The following GRM1 variants were observed in gnomAD, a reference collection of about 807,000 sequenced individuals.
The protein encoded by GRM1 is metabotropic glutamate receptor 1.
A neutral mutation model predicts 90.9 loss-of-function variants in GRM1; 33 were observed. The ratio of observed to expected loss-of-function variants is 0.36; its 90% CI spans 0.28 to 0.49. The LOEUF (loss-of-function observed/expected upper bound fraction) is 0.49, where lower values mean the gene tolerates loss of function less well. Ranked by LOEUF, GRM1 falls within the 20% of genes least tolerant of loss-of-function variation. GRM1 has a pLI of 0.99. For missense variants in GRM1, 1,190 were observed against 1,534.3 expected (o/e 0.78, Z 3.75); for synonymous variants, 700 against 613.2 (o/e 1.14, Z -2.09).
intron 3 of GRM1, among the ~76,000 whole-genome samples, chr6:146,336,173 G>C (rs1280466372): frequency 6.6e-6 from 1 of 152,178 alleles, no homozygotes; most frequent in East Asian, 1.9e-4. Flanking sequence ...TGGGAGAGTT[G>C]GAAAGAGTGT....
At chr6:146,364,720 A>C (rs1431598810) in intron 5 of GRM1, among the ~76,000 whole-genome samples, 2 of 151,720 alleles carry the variant, frequency 1.3e-5, no homozygotes, top group Non-Finnish European at 2.9e-5. Flanking sequence ...CAGAATTATA[A>C]ATCTTTTACC....
intron 2 of GRM1, among the ~76,000 whole-genome samples, chr6:146,184,432 G>T (rs1389377844): frequency 1.3e-5 from 2 of 150,482 alleles, no homozygotes; most frequent in East Asian, 2.0e-4. Flanking sequence ...AGTTTTTTCT[G>T]TTTTTTTTTA....
At chr6:146,043,802 T>TAGATATAG (rs1554260537) in intron 1 of GRM1, among the ~76,000 whole-genome samples, 5 of 142,892 alleles carry the variant, frequency 3.5e-5, no homozygotes, top group African/African-American at 1.3e-4. Context: ...TATATATATA[T>TAGATATAG]ATATATATAA....
chr6:146,251,636 C>G (rs186626207), intron 2 of GRM1, among the ~76,000 whole-genome samples: 7 of 152,284 alleles, frequency 4.6e-5, no homozygotes, highest in Admixed American at 3.9e-4. Flanking sequence ...GACACCTTGT[C>G]CATCTAATCT....
rs1562568705 is a variant in GRM1, at chr6:146,267,686, GGCTC to G, written c.951-36923_951-36920del. On this transcript the variant is annotated intron_variant, in intron 2 of 7. Coordinates refer to ENST00000282753, the MANE Select transcript of GRM1 (RefSeq NM_001278064.2). Reference sequence around the variant, plus strand: ...GGCTGGGCTGGGCTGGGCTGGGCTCGGCTCGGCTCGGCTCGGCTCGTCTCGTCTC... The same window carrying G: ...GGCTGGGCTGGGCTGGGCTGGGCTCGGGCTCGGCTCGGCTCGTCTCGTCTC... Among the ~76,000 whole-genome samples, 41 of 104,428 alleles carry G rather than the reference GGCTC, an allele frequency of 3.9e-4. No homozygotes were observed. The East Asian group carries it at 5.6e-3, about 14-fold the overall frequency. 68.5% of individuals were successfully genotyped at this position (104,428 alleles called of 152,430 possible).
intron 1 of GRM1, among the ~76,000 whole-genome samples, chr6:146,039,237 C>G (rs1041489916): frequency 6.6e-6 from 1 of 151,964 alleles, no homozygotes; most frequent in African/African-American, 2.4e-5. Context: ...TCCCTCTGGT[C>G]CAGGGAAGCA....
chr6:146,198,497 A>G (rs1779196523), intron 2 of GRM1, among the ~76,000 whole-genome samples: 1 of 152,168 alleles, frequency 6.6e-6, no homozygotes, highest in African/African-American at 2.4e-5. Context: ...AAGACCAGAG[A>G]TCTAATACAG....
intron 7 of GRM1, among the ~76,000 whole-genome samples, chr6:146,428,627 T>C (rs1485980224): frequency 6.6e-6 from 1 of 152,326 alleles, no homozygotes; most frequent in East Asian, 1.9e-4. Context: ...GACCTGAAGT[T>C]CCTTTAAAGG....
chr6:146,245,305 C>T (rs1207234700), intron 2 of GRM1, among the ~76,000 whole-genome samples: 1 of 152,170 alleles, frequency 6.6e-6, no homozygotes, highest in Admixed American at 6.5e-5. Context: ...ATCATTTCTA[C>T]TTCTTTTCTT....
rs540532635 is a variant in GRM1, at chr6:146,324,118, T to G, written c.1186+19272T>G. On this transcript the variant is annotated intron_variant, in intron 3 of 7. Coordinates refer to ENST00000282753, the MANE Select transcript of GRM1 (RefSeq NM_001278064.2). Reference sequence around the variant, plus strand: ...CAGAGGGAGGAATCTAGAGAGGCAGTCTGGCTACAGCGGCTTTGCGGAGCT... The same window carrying G: ...CAGAGGGAGGAATCTAGAGAGGCAGGCTGGCTACAGCGGCTTTGCGGAGCT... 6.2e-4 allele frequency among the ~76,000 whole-genome samples: 95 copies of G among 152,326 alleles called. 1 individual carries two copies. Among genetic ancestry groups the G allele is most frequent in the African/African-American group, 1.8e-3 (75 of 41,566 alleles).
intron 3 of GRM1, among the ~76,000 whole-genome samples, chr6:146,333,687 G>A (rs1784663639): frequency 6.6e-6 from 1 of 152,078 alleles, no homozygotes; most frequent in Admixed American, 6.6e-5. Context: ...AATCCAAGTA[G>A]CCTATAGATG....
intron 2 of GRM1, among the ~76,000 whole-genome samples, chr6:146,219,086 A>G (rs183318439): frequency 3.5e-4 from 54 of 152,298 alleles, no homozygotes; most frequent in Admixed American, 1.7e-3. Context: ...TAAAAGCTTT[A>G]GATTTTCTTT....
chr6:146,297,533 G>A (rs994978244), intron 2 of GRM1, among the ~76,000 whole-genome samples: 1 of 152,074 alleles, frequency 6.6e-6, no homozygotes, highest in African/African-American at 2.4e-5. Context: ...TGGATACTTA[G>A]GATGAATTAG....
intron 3 of GRM1, among the ~76,000 whole-genome samples, chr6:146,325,626 G>C (rs1784375787): frequency 1.3e-5 from 2 of 152,056 alleles, no homozygotes; most frequent in Non-Finnish European, 2.9e-5. Flanking sequence ...CAAACGGCTA[G>C]GAATCCCACA....
intron 1 of GRM1, among the ~76,000 whole-genome samples, chr6:146,039,409 A>T (rs1433671798): frequency 6.6e-6 from 1 of 152,030 alleles, no homozygotes; most frequent in East Asian, 1.9e-4. Flanking sequence ...ATGTCCTGGG[A>T]AAATGAGTGG....
At chr6:146,360,328 T>A (rs1391954395) in intron 5 of GRM1, among the ~76,000 whole-genome samples, 1 of 152,058 alleles carries the variant, frequency 6.6e-6, no homozygotes, top group Non-Finnish European at 1.5e-5. Flanking sequence ...TATAAATATA[T>A]CTTATAAATA....
intron 2 of GRM1, among the ~76,000 whole-genome samples, chr6:146,274,027 T>C (rs572473152): frequency 4.1e-4 from 62 of 152,388 alleles, no homozygotes; most frequent in African/African-American, 1.4e-3. Flanking sequence ...TCCATCACTC[T>C]GCAATCGTTT....
chr6:146,090,139 A>G (rs985344119), intron 1 of GRM1, among the ~76,000 whole-genome samples: 1 of 152,096 alleles, frequency 6.6e-6, no homozygotes, highest in African/African-American at 2.4e-5. Context: ...GTGTGAAGCT[A>G]TAGTAGACCT....
chr6:146,427,089 C>A (rs558314692), intron 7 of GRM1, among the ~76,000 whole-genome samples: 3 of 152,130 alleles, frequency 2.0e-5, no homozygotes, highest in African/African-American at 4.8e-5. Flanking sequence ...TGGAAGAGTT[C>A]TATCATGTCA....
Sources: allele counts gnomAD v4.1 joint callset (sites outside exome capture counted in the v4.1 genomes callset), GRCh38; gene constraint gnomAD v4.1.1; transcripts MANE v1.5; gene names NCBI Gene and HGNC (gene_info 2026-07-23, HGNC 2026-07-21).